The following ZNFX1 variants were observed in gnomAD, a reference collection of about 807,000 sequenced individuals.
The protein encoded by ZNFX1 is NFX1-type zinc finger-containing protein 1.
ZNFX1 carries 78 observed loss-of-function variants against 179.8 expected under a neutral mutation model. The ratio of observed to expected loss-of-function variants is 0.43; its 90% CI spans 0.36 to 0.52. ZNFX1 has a LOEUF of 0.52. Ranked by LOEUF, ZNFX1 falls within the 20% of genes least tolerant of loss-of-function variation. The probability of loss-of-function intolerance (pLI) is 0.00; values close to 1 mark genes in which losing one functional copy is unlikely to be tolerated. For missense variants in ZNFX1, 1,927 were observed against 2,386.6 expected (o/e 0.81, Z 4.01); for synonymous variants, 848 against 868.5 (o/e 0.98, Z 0.42).
chr20:49,252,435 C>T lies in ZNFX1; in HGVS notation c.3216+285G>A, dbSNP rs1049039657. Among the ~76,000 whole-genome samples the T allele has an allele frequency of 2.2e-4, 34 of 151,542 alleles. 1 individual carries two copies. The highest frequency in any genetic ancestry group is 7.5e-4 in the African/African-American group (31 of 41,222). On this transcript the variant is annotated intron_variant, in intron 12 of 13. Transcript: ENST00000396105. Reference sequence around the variant, plus strand: ...GGGATTGCAGGTGTGAGCCACCGCACCTGGCCTCTATTTTTCTTAAAAAAA... The same window carrying T: ...GGGATTGCAGGTGTGAGCCACCGCATCTGGCCTCTATTTTTCTTAAAAAAA...
chr20:49,271,776 C>A, intron 2 of ZNFX1, 26 bp from the exon 3 acceptor site: 1 of 1,561,044 alleles, frequency 6.4e-7, no homozygotes, highest in Non-Finnish European at 8.7e-7. Flanking sequence ...TATTGAGTAA[C>A]CACAAGAACC....
chr20:49,261,771 G>T (rs1020796816), intron 6 of ZNFX1, among the ~76,000 whole-genome samples: 1 of 151,348 alleles, frequency 6.6e-6, no homozygotes, highest in Non-Finnish European at 1.5e-5. Context: ...TCAGCCTCCT[G>T]AGTAGCTGGG....
chr20:49,262,494 A>T (rs1370964188), intron 6 of ZNFX1, among the ~76,000 whole-genome samples: 1 of 152,030 alleles, frequency 6.6e-6, no homozygotes, highest in African/African-American at 2.4e-5. Context: ...GGCAGCAATG[A>T]CTGTTTATTA....
At position 49,271,594 on chromosome 20, in the gene ZNFX1, A is replaced by G. The variant is rs1256438420; in HGVS notation, c.218T>C (p.Met73Thr). Residue 73 changes from methionine (M) to threonine (T), a missense_variant, in exon 3 of 14, where the codon ATG (methionine) becomes ACG (threonine). Coordinates refer to ENST00000396105, the MANE Select transcript of ZNFX1 (RefSeq NM_021035.3). ...YWQREERFRA[M>T]GRNPHQGRRN... Reference sequence around the variant, plus strand: ...CCTTCCTTGATGTGGGTTCCTGCCCATGGCCCTAAATCTCTCTTCCCTCTG... The same window carrying G: ...CCTTCCTTGATGTGGGTTCCTGCCCGTGGCCCTAAATCTCTCTTCCCTCTG... The G allele has an allele frequency of 2.5e-6, 4 of 1,614,022 alleles. No homozygotes were observed. The highest frequency in any genetic ancestry group is 2.7e-5 in the African/African-American group (2 of 74,986).
At chr20:49,253,204 A>T (rs1234453154) in intron 11 of ZNFX1, among the ~76,000 whole-genome samples, 2 of 152,116 alleles carry the variant, frequency 1.3e-5, no homozygotes, top group East Asian at 3.9e-4. Flanking sequence ...ATAAGCTGAA[A>T]CCTGATCACA....
rs1981378230 is a variant in ZNFX1, at chr20:49,271,065, G to T, written c.747C>A (p.Ser249=). Residue 249 remains serine (S), a synonymous_variant, in exon 3 of 14, where the codon TCC becomes TCA. Coordinates refer to ENST00000396105, the MANE Select transcript of ZNFX1 (RefSeq NM_021035.3). ...AGACACTTACAAGGTCCTGGAGGAGGGAGATGATGTTGCTTATGTGCTCTG... is the reference window on the plus strand; with the variant it reads ...AGACACTTACAAGGTCCTGGAGGAGTGAGATGATGTTGCTTATGTGCTCTG... ...QYPEHISNII[S]LLQDLVSVFP... The T allele has an allele frequency of 1.2e-6, 2 of 1,614,052 alleles. No individual in the cohort carries two copies. The highest frequency in any genetic ancestry group is 1.3e-5 in the African/African-American group (1 of 74,896).
At chr20:49,258,047 C>T (rs1053701707) in intron 7 of ZNFX1, among the ~76,000 whole-genome samples, 7 of 150,892 alleles carry the variant, frequency 4.6e-5, no homozygotes, top group East Asian at 4.0e-4. Context: ...GGACAGAAGA[C>T]GGCACCTGCA....
Position 49,275,707 on chromosome 20 carries a change from A to G in ZNFX1, c.61+72T>C, listed in dbSNP as rs906027858. Reference sequence around the variant, plus strand: ...CAGACAATCTTAGGTAGGCCTGCTCATTTATAGAGAGCCCTATTTCCTTCT... The same window carrying G: ...CAGACAATCTTAGGTAGGCCTGCTCGTTTATAGAGAGCCCTATTTCCTTCT... On this transcript the variant is annotated intron_variant, in intron 2 of 13. Transcript: ENST00000396105. 17 of 1,450,138 alleles carry G rather than the reference A, an allele frequency of 1.2e-5. No individual in the cohort carries two copies. In the African/African-American group the frequency reaches 1.8e-4, roughly 16 times the overall value. The allele number at this position is 1,450,138 out of a possible 1,614,324, so 89.8% of individuals were successfully genotyped here.
intron 2 of ZNFX1, among the ~76,000 whole-genome samples, chr20:49,274,299 A>G (rs1292479769): frequency 6.6e-6 from 1 of 152,242 alleles, no homozygotes; most frequent in Non-Finnish European, 1.5e-5. Flanking sequence ...TTATGTTGAT[A>G]ATATCTTAAA....
intron 3 of ZNFX1, among the ~76,000 whole-genome samples, chr20:49,267,999 G>A (rs1031772065): frequency 4.0e-5 from 6 of 151,252 alleles, no homozygotes; most frequent in South Asian, 4.2e-4. Flanking sequence ...TCAGCCTCCC[G>A]AGTAGCTGGG....
At chr20:49,258,099 T>TA (rs1346247974) in intron 7 of ZNFX1, among the ~76,000 whole-genome samples, 1 of 16,656 alleles carries the variant, frequency 6.0e-5, no homozygotes, top group Non-Finnish European at 2.7e-4. Context: ...GTTTATGTGA[T>TA]TTTTTTTTTT....
In ZNFX1 at chr20:49,246,688, A is replaced by G. The variant is rs1009451957; in HGVS notation, c.*579T>C. The stretch of plus-strand genomic sequence containing the variant: ...GATACCACTAGGTGGCCCTAGGTGG[A>G]AGCCCCAAACATGTTCCAGGGAGTC... On this transcript the variant is annotated 3_prime_UTR_variant, in exon 14 of 14. Coordinates refer to ENST00000396105, the MANE Select transcript of ZNFX1 (RefSeq NM_021035.3). The G allele has an allele frequency of 2.8e-6, 1 of 362,692 alleles. No homozygotes were observed. The highest frequency in any genetic ancestry group is 5.4e-6 in the Non-Finnish European group (1 of 185,072). 22.5% of individuals were successfully genotyped at this position (362,692 alleles called of 1,614,324 possible). A position where few individuals can be genotyped will look rare whatever the true frequency, so the allele number is the denominator to read the frequency against.
At chr20:49,264,636 G>C in intron 5 of ZNFX1, 80 bp downstream of exon 5, 1 of 1,553,214 alleles carries the variant, frequency 6.4e-7, no homozygotes, top group South Asian at 1.2e-5. Context: ...ATCTACCCTG[G>C]GCTGCCTACC....
At position 49,247,206 on chromosome 20, in the gene ZNFX1, A is replaced by G. The variant is rs1258279294; in HGVS notation, c.*61T>C. 1.3e-6 allele frequency: 2 copies of G among 1,533,998 alleles called. No homozygotes were observed. The highest frequency in any genetic ancestry group is 1.8e-6 in the Non-Finnish European group (2 of 1,142,208). ...ATAAAAAACAAACTTCAGTTCCTTC[A>G]TTAGGGAGCTGGCCCCAGTCATTCA... On this transcript the variant is annotated 3_prime_UTR_variant, in exon 14 of 14. Transcript: ENST00000396105.
chr20:49,258,098 A>ATT (rs10648506), intron 7 of ZNFX1, among the ~76,000 whole-genome samples: 68,184 of 138,620 alleles, frequency 0.49, 17,384 homozygotes, highest in Middle Eastern at 0.63. Flanking sequence ...GGTTTATGTG[A>ATT]TTTTTTTTTT....
chr20:49,271,478 A>G lies in ZNFX1; in HGVS notation c.334T>C (p.Cys112Arg), dbSNP rs1193740939. ...GACCATGGTGGTCTGCGGTTCCTACAGTCCTGGTTGCCATTTCTCCACCTG... is the reference window on the plus strand; with the variant it reads ...GACCATGGTGGTCTGCGGTTCCTACGGTCCTGGTTGCCATTTCTCCACCTG... ...DTRWRNGNQD[C>R]RNRRPPWSND... Residue 112 changes from cysteine (C) to arginine (R), a missense_variant, in exon 3 of 14, where the codon TGT becomes CGT. Cys to Arg is a radical substitution (Grantham distance 180, BLOSUM62 -3). Coordinates refer to ENST00000396105, the MANE Select transcript of ZNFX1 (RefSeq NM_021035.3). 6.2e-7 allele frequency: 1 copy of G among 1,614,018 alleles called. No homozygotes were observed. Among genetic ancestry groups the G allele is most frequent in the Non-Finnish European group, 8.5e-7 (1 of 1,180,036 alleles).
In ZNFX1 at chr20:49,270,804, C is replaced by T. The variant is rs1446042056; in HGVS notation, c.1008G>A (p.Met336Ile). The T allele has an allele frequency of 3.1e-6, 5 of 1,614,042 alleles. No individual in the cohort carries two copies. In the African/African-American group the frequency reaches 4.0e-5, roughly 13 times the overall value. The change falls in exon 3 of 14, where the codon ATG becomes ATA. Residue 336 changes from methionine to isoleucine, a missense_variant. By Grantham distance (10) the Met-to-Ile change is conservative. Coordinates refer to ENST00000396105, the MANE Select transcript of ZNFX1 (RefSeq NM_021035.3). This position sits in a 1 kb window ranked among gnomAD's most constrained non-coding sequence, Gnocchi z 4.6. ...AEDHVESYRT[M>I]PIYPTYNEVH... is the part of the protein sequence containing the mutation. ...CTTCATTGTAGGTAGGGTAAATGGGCATGGTTCGGTAGCTCTCAACATGGT... is the reference window on the plus strand; with the variant it reads ...CTTCATTGTAGGTAGGGTAAATGGGTATGGTTCGGTAGCTCTCAACATGGT...
intron 13 of ZNFX1, among the ~76,000 whole-genome samples, chr20:49,251,120 G>C (rs770039396): frequency 1.3e-5 from 2 of 152,072 alleles, no homozygotes; most frequent in Non-Finnish European, 2.9e-5. Context: ...TAAAAAGCTG[G>C]CTCTACTCCC....
In ZNFX1 at chr20:49,248,852, C is replaced by T. The variant is rs1263086140; in HGVS notation, c.4172G>A (p.Gly1391Asp). The T allele has an allele frequency of 6.2e-7, 1 of 1,613,350 alleles. No individual in the cohort carries two copies. The highest frequency in any genetic ancestry group is 2.2e-5 in the East Asian group (1 of 44,888). ...TGAACACAGCTGCACACAGTCCTCACCACATGGGTGGCTGCATCTGTGCCC... is the reference window on the plus strand; with the variant it reads ...TGAACACAGCTGCACACAGTCCTCATCACATGGGTGGCTGCATCTGTGCCC... ...RCGHRCSHPC[G>D]EDCVQLCSEM... Residue 1391 changes from glycine (G) to aspartate (D), a missense_variant, in exon 14 of 14, where the codon GGT (glycine) becomes GAT (aspartate). Coordinates refer to ENST00000396105, the MANE Select transcript of ZNFX1 (RefSeq NM_021035.3). This position sits in a 1 kb window ranked among gnomAD's most constrained non-coding sequence, Gnocchi z 4.6.
Sources: gnomAD v4.1 joint callset for allele counts (sites outside exome capture counted in the v4.1 genomes callset) on GRCh38, gnomAD v4.1.1 for gene constraint, Gnocchi (gnomAD v3.1) non-coding constraint, MANE v1.5 for transcripts, NCBI Gene and HGNC (gene_info 2026-07-23, HGNC 2026-07-21) for gene names.